The following SEMA7A variants were observed in gnomAD, a reference collection of about 807,000 sequenced individuals.
SEMA7A encodes semaphorin 7A (JohnMiltonHagen blood group).
In SEMA7A, 21 loss-of-function variants were observed where a neutral mutation model predicts 67.5. That is an observed-to-expected ratio of 0.31 (90% CI 0.22 to 0.45). SEMA7A has a LOEUF of 0.45. Among genes scored for constraint, SEMA7A ranks in the 20% least tolerant of loss-of-function variants. The pLI, the probability that SEMA7A is intolerant of heterozygous loss-of-function variation, is 1.00. For missense variants in SEMA7A, 774 were observed against 908.6 expected (o/e 0.85, Z 1.90); for synonymous variants, 364 against 368.5 (o/e 0.99, Z 0.14).
In SEMA7A at chr15:74,423,499, T is replaced by A. The variant is rs2061017637; in HGVS notation, c.179-4547A>T. 6.6e-6 allele frequency among the ~76,000 whole-genome samples: 1 copy of A among 152,104 alleles called. No homozygotes were observed. The highest frequency in any genetic ancestry group is 1.5e-5 in the Non-Finnish European group (1 of 68,006). ...CCAGCTGCTTCTCTCCAGGATCACATCCTGGGCTTCCTGGAGAGCCTCTGA... is the reference window on the plus strand; with the variant it reads ...CCAGCTGCTTCTCTCCAGGATCACAACCTGGGCTTCCTGGAGAGCCTCTGA... On this transcript the variant is annotated intron_variant, in intron 1 of 13. Coordinates refer to ENST00000261918, the MANE Select transcript of SEMA7A (RefSeq NM_003612.5). This position sits in a 1 kb window ranked among gnomAD's most constrained non-coding sequence, Gnocchi z 4.1.
chr15:74,410,441 G>A lies in SEMA7A; in HGVS notation c.*183C>T, dbSNP rs925935973. ...ATTCTCAGCCCCTCACCATCCGTGCGCCACCTGGGGCCCAGCAGCCGCCTG... is the reference window on the plus strand; with the variant it reads ...ATTCTCAGCCCCTCACCATCCGTGCACCACCTGGGGCCCAGCAGCCGCCTG... On this transcript the variant is annotated 3_prime_UTR_variant, in exon 14 of 14. Transcript: ENST00000261918. The surrounding 1 kb of genome is among the most constrained non-coding windows in gnomAD (Gnocchi z 7.5). 1.1e-5 allele frequency: 9 copies of A among 813,378 alleles called. No individual in the cohort carries two copies. Among genetic ancestry groups the A allele is most frequent in the South Asian group, 4.1e-5 (2 of 48,546 alleles). The allele number at this position is 813,378 out of a possible 1,614,324, so 50.4% of individuals were successfully genotyped here. A position where few individuals can be genotyped will look rare whatever the true frequency, so the allele number is the denominator to read the frequency against.
At position 74,416,563 on chromosome 15, in the gene SEMA7A, G is replaced by A. The variant is rs760164940; in HGVS notation, c.801+12C>T. 72 of 1,612,610 alleles carry A rather than the reference G, an allele frequency of 4.5e-5. No individual in the cohort carries two copies. Among genetic ancestry groups the A allele is most frequent in the African/African-American group, 1.1e-4 (8 of 74,854 alleles). The stretch of plus-strand genomic sequence containing the variant: ...CAGACACGTAGCCAGCAGCCCTCAC[G>A]CCCCTGCTCACCCTGCACAACTGGG... On this transcript the variant is annotated intron_variant, in intron 7 of 13. Coordinates refer to ENST00000261918, the MANE Select transcript of SEMA7A (RefSeq NM_003612.5).
At chr15:74,428,594 G>A (rs2061061140) in intron 1 of SEMA7A, among the ~76,000 whole-genome samples, 1 of 152,240 alleles carries the variant, frequency 6.6e-6, no homozygotes, top group African/African-American at 2.4e-5. Flanking sequence ...GGGCAGAAAG[G>A]AGGAGGAGGG....
chr15:74,417,856 C>T (rs1412805213), intron 4 of SEMA7A, 21 bp downstream of exon 4: 5 of 1,612,586 alleles, frequency 3.1e-6, no homozygotes, highest in Non-Finnish European at 4.2e-6. Flanking sequence ...TGATCAGGCA[C>T]ATGGGGAGCA....
rs772940143 is a variant in SEMA7A, at chr15:74,414,943, G to T, written c.990C>A (p.Asn330Lys). The T allele has an allele frequency of 1.1e-5, 18 of 1,613,548 alleles. No homozygotes were observed. The highest frequency in any genetic ancestry group is 1.0e-4 in the Admixed American group (6 of 59,978). ...GGGAATACACACAGACGGCTGAGTA[G>T]TTCCTGCAGTGACATGGAGACCAGC... The part of the protein sequence containing the change: ...RVYGVFSNPW[N>K]YSAVCVYSLG... The change falls in exon 9 of 14, where the codon AAC (asparagine) becomes AAA (lysine). Residue 330 changes from asparagine (N) to lysine (K), a missense_variant. Physicochemically the swap from Asn to Lys is moderately conservative, Grantham distance 94. Coordinates refer to ENST00000261918, the MANE Select transcript of SEMA7A (RefSeq NM_003612.5). This position sits in a 1 kb window ranked among gnomAD's most constrained non-coding sequence, Gnocchi z 4.1.
At chr15:74,415,269 G>A (rs892006886) in intron 8 of SEMA7A, among the ~76,000 whole-genome samples, 3 of 151,998 alleles carry the variant, frequency 2.0e-5, no homozygotes, top group Non-Finnish European at 2.9e-5. Flanking sequence ...GCCCCAGGAG[G>A]CCAGACCCCC....
At position 74,418,321 on chromosome 15, in the gene SEMA7A, G is replaced by A. The variant is rs761336632; in HGVS notation, c.331-12C>T. ...GAGCCGATATTCACCTGGGGGAAGG[G>A]GAGAAGCATTAGTTCAATCTGCCAG... On this transcript the variant is annotated splice_polypyrimidine_tract_variant and intron_variant, in intron 2 of 13. Transcript: ENST00000261918. 4.3e-6 allele frequency: 7 copies of A among 1,612,382 alleles called. No individual in the cohort carries two copies. The South Asian group carries it at 7.7e-5, about 18-fold the overall frequency.
rs924206806 is a variant in SEMA7A, at chr15:74,423,778, A to T, written c.179-4826T>A. Among the ~76,000 whole-genome samples the T allele has an allele frequency of 6.6e-6, 1 of 152,164 alleles. No individual in the cohort carries two copies. The highest frequency in any genetic ancestry group is 2.4e-5 in the African/African-American group (1 of 41,440). The stretch of plus-strand genomic sequence containing the variant: ...GAGTGGTAGAGGAAACCCTTCCACT[A>T]GGGGTGGGAATACAGGAACAAATGT... On this transcript the variant is annotated intron_variant, in intron 1 of 13. Coordinates refer to ENST00000261918, the MANE Select transcript of SEMA7A (RefSeq NM_003612.5). This position sits in a 1 kb window ranked among gnomAD's most constrained non-coding sequence, Gnocchi z 4.1.
In SEMA7A at chr15:74,414,809, G is replaced by T; in HGVS notation, c.1095+29C>A. ...GGAGGTGAGGCAGAAGGAGGGCTGG[G>T]CCTGGGCCACGGCTGGTGTCACGCT... is the stretch of plus-strand genomic sequence containing the variant. On this transcript the variant is annotated intron_variant, in intron 9 of 13. Coordinates refer to ENST00000261918, the MANE Select transcript of SEMA7A (RefSeq NM_003612.5). This position sits in a 1 kb window ranked among gnomAD's most constrained non-coding sequence, Gnocchi z 4.1. The T allele has an allele frequency of 6.2e-7, 1 of 1,613,850 alleles. No homozygotes were observed. The highest frequency in any genetic ancestry group is 8.5e-7 in the Non-Finnish European group (1 of 1,179,726).
intron 1 of SEMA7A, among the ~76,000 whole-genome samples, chr15:74,429,187 C>T (rs928757537): frequency 1.3e-5 from 2 of 152,212 alleles, no homozygotes; most frequent in Non-Finnish European, 2.9e-5. Context: ...CCGACCAAAG[C>T]AGGGGAAGTG....
Position 74,417,371 on chromosome 15 carries a change from CG to C in SEMA7A, c.624del (p.Glu209ArgfsTer77). 1 of 1,614,042 alleles carries C rather than the reference CG, an allele frequency of 6.2e-7. No homozygotes were observed. The highest frequency in any genetic ancestry group is 8.5e-7 in the Non-Finnish European group (1 of 1,180,010). On this transcript the variant is annotated frameshift_variant, in exon 6 of 14. Transcript: ENST00000261918. LOFTEE classifies it high-confidence loss of function. ...GTATCACTGGTGTACAGCTCACTCT[CG>C]CCCCGGATGCGGCGGAACCGAGGGA... is the stretch of plus-strand genomic sequence containing the variant. ...GKIPRFRRIRGESELYTSDTV... is the reference protein window; with the variant it reads ...GKIPRFRRIRXESELYTSDTV...
At chr15:74,430,543 T>C (rs376181500) in intron 1 of SEMA7A, among the ~76,000 whole-genome samples, 7 of 152,362 alleles carry the variant, frequency 4.6e-5, no homozygotes, top group South Asian at 2.1e-4. Flanking sequence ...ATGGTCATCA[T>C]TGGACCTGTG....
chr15:74,413,705 C>T (rs2141272393), intron 10 of SEMA7A, among the ~76,000 whole-genome samples: 2 of 152,280 alleles, frequency 1.3e-5, no homozygotes, highest in Middle Eastern at 6.8e-3. Flanking sequence ...CCAAGGCTTC[C>T]AGGAGCCAAA....
chr15:74,410,186 A>G lies in SEMA7A; in HGVS notation c.*438T>C, dbSNP rs1478320376. 1.2e-5 allele frequency: 2 copies of G among 164,208 alleles called. No homozygotes were observed. Among genetic ancestry groups the G allele is most frequent in the African/African-American group, 4.8e-5 (2 of 41,756 alleles). The allele number at this position is 164,208 out of a possible 1,614,324, so 10.2% of individuals were successfully genotyped here. A position where few individuals can be genotyped will look rare whatever the true frequency, so the allele number is the denominator to read the frequency against. On this transcript the variant is annotated 3_prime_UTR_variant, in exon 14 of 14. Transcript: ENST00000261918. This position sits in a 1 kb window ranked among gnomAD's most constrained non-coding sequence, Gnocchi z 7.5. ...GGAACACCAGCCACCCAGCCATGAGAGAGGGAGGGGAAGGAGGCAATGTGG... is the reference window on the plus strand; with the variant it reads ...GGAACACCAGCCACCCAGCCATGAGGGAGGGAGGGGAAGGAGGCAATGTGG...
chr15:74,411,000 G>C lies in SEMA7A; in HGVS notation c.1640-15C>G. On this transcript the variant is annotated splice_polypyrimidine_tract_variant and intron_variant, in intron 13 of 13. Transcript: ENST00000261918. The surrounding 1 kb of genome is among the most constrained non-coding windows in gnomAD (Gnocchi z 7.5). ...TGGGGCCTTGTCTGGGGAGGCAGTGGGGAAGCAGCCGTGAGGAGGGACAAA... is the reference window on the plus strand; with the variant it reads ...TGGGGCCTTGTCTGGGGAGGCAGTGCGGAAGCAGCCGTGAGGAGGGACAAA... 1 of 1,606,546 alleles carries C rather than the reference G, an allele frequency of 6.2e-7. No individual in the cohort carries two copies. Among genetic ancestry groups the C allele is most frequent in the Non-Finnish European group, 8.5e-7 (1 of 1,176,058 alleles).
chr15:74,411,908 T>C lies in SEMA7A; in HGVS notation c.1399A>G (p.Thr467Ala). ...ACCCGCTCAGCATCCAGCGACATGGTCTGGATGGCAGCCGCGCGGCGGAAG... is the reference window on the plus strand; with the variant it reads ...ACCCGCTCAGCATCCAGCGACATGGCCTGGATGGCAGCCGCGCGGCGGAAG... ...QPFRRAAAIQ[T>A]MSLDAERRKL... is the part of the protein sequence containing the mutation. The change falls in exon 11 of 14, where the codon ACC becomes GCC. Residue 467 changes from threonine (T) to alanine (A), a missense_variant. This residue lies in a region of SEMA7A where 427 missense variants were observed against 555.4 expected (regional missense o/e 0.77). Coordinates refer to ENST00000261918, the MANE Select transcript of SEMA7A (RefSeq NM_003612.5). This position sits in a 1 kb window ranked among gnomAD's most constrained non-coding sequence, Gnocchi z 4.4. 1 of 1,613,968 alleles carries C rather than the reference T, an allele frequency of 6.2e-7. No individual in the cohort carries two copies. The highest frequency in any genetic ancestry group is 1.1e-5 in the South Asian group (1 of 91,082).
rs1369733523 is a variant in SEMA7A, at chr15:74,409,703, A to G, written c.*921T>C. ...CCTTCCAAATGAACACGGTGAAACTAGGGCTCAGTTTTCTCCTTCATTCTC... is the reference window on the plus strand; with the variant it reads ...CCTTCCAAATGAACACGGTGAAACTGGGGCTCAGTTTTCTCCTTCATTCTC... On this transcript the variant is annotated 3_prime_UTR_variant, in exon 14 of 14. Coordinates refer to ENST00000261918, the MANE Select transcript of SEMA7A (RefSeq NM_003612.5). The G allele has an allele frequency of 6.7e-6, 1 of 149,904 alleles. No homozygotes were observed. The highest frequency in any genetic ancestry group is 1.5e-5 in the Non-Finnish European group (1 of 67,770). The allele number at this position is 149,904 out of a possible 1,614,324, so 9.3% of individuals were successfully genotyped here. A position where few individuals can be genotyped will look rare whatever the true frequency, so the allele number is the denominator to read the frequency against.
At chr15:74,428,377 C>T (rs1424740977) in intron 1 of SEMA7A, among the ~76,000 whole-genome samples, 1 of 152,190 alleles carries the variant, frequency 6.6e-6, no homozygotes, top group Non-Finnish European at 1.5e-5. Context: ...CAGCCCCGGT[C>T]CCAGCTCTGC....
At chr15:74,433,039 GC>G (rs925751521) in intron 1 of SEMA7A, among the ~76,000 whole-genome samples, 6 of 152,140 alleles carry the variant, frequency 3.9e-5, no homozygotes, top group Admixed American at 3.9e-4. Flanking sequence ...AACGGGCACT[GC>G]CCCCCAACGC....
Sources: allele counts gnomAD v4.1 joint callset (sites outside exome capture counted in the v4.1 genomes callset), GRCh38; gene constraint gnomAD v4.1.1; regional missense constraint gnomAD v4.1.1; non-coding constraint Gnocchi (gnomAD v3.1); transcripts MANE v1.5; gene names NCBI Gene and HGNC (gene_info 2026-07-23, HGNC 2026-07-21).